UHMK1: variants seen among roughly 807,000 people sequenced by gnomAD.
The protein encoded by UHMK1 is serine/threonine-protein kinase Kist.
Under a neutral mutation model 44.0 loss-of-function variants are expected in UHMK1, and 18 were observed. That is an observed-to-expected ratio of 0.41 (90% confidence interval 0.28 to 0.61). The LOEUF (loss-of-function observed/expected upper bound fraction) is 0.61. Ranked by LOEUF, UHMK1 falls within the 20% of genes least tolerant of loss-of-function variation. The pLI is 0.31. For missense variants in UHMK1, 463 were observed against 522.5 expected (o/e 0.89, Z 1.11); for synonymous variants, 231 against 198.5 (o/e 1.16, Z -1.38).
At chr1:162,497,768 C>CT (rs1341899156), upstream of UHMK1, 1 of 1,306,268 alleles carries the variant, frequency 7.7e-7, no homozygotes, top group Non-Finnish European at 9.7e-7. Context: ...CCTTCTGAGC[C>CT]CCCCCTCCTT....
Position 162,525,480 on chromosome 1 carries a change from T to A in UHMK1, c.*2930T>A, listed in dbSNP as rs554637007. ...ACATTGTACACCCAGAAAAGGCACA[T>A]ACAGTGATTATTTTGTGGGAAATAC... is the stretch of plus-strand genomic sequence containing the variant. On this transcript the variant is annotated 3_prime_UTR_variant, in exon 8 of 8. Coordinates refer to ENST00000489294, the MANE Select transcript of UHMK1 (RefSeq NM_175866.5). The A allele has an allele frequency of 6.6e-6, 1 of 152,300 alleles. No individual in the cohort carries two copies. Among genetic ancestry groups the A allele is most frequent in the African/African-American group, 2.4e-5 (1 of 41,576 alleles). 9.4% of individuals were successfully genotyped at this position (152,300 alleles called of 1,614,324 possible).
In UHMK1 at chr1:162,522,770, T is replaced by C; in HGVS notation, c.*220T>C. ...CTATACATTGAGGGGTTTTAGAGCATCCATGTGGGCAACCCTTTTTTGTGC... is the reference window on the plus strand; with the variant it reads ...CTATACATTGAGGGGTTTTAGAGCACCCATGTGGGCAACCCTTTTTTGTGC... On this transcript the variant is annotated 3_prime_UTR_variant, in exon 8 of 8. Transcript: ENST00000489294. 4.7e-6 allele frequency: 2 copies of C among 422,362 alleles called. No homozygotes were observed. The highest frequency in any genetic ancestry group is 8.2e-6 in the Non-Finnish European group (2 of 242,538). 26.2% of individuals were successfully genotyped at this position (422,362 alleles called of 1,614,324 possible).
In UHMK1 at chr1:162,497,884, C is replaced by CT; in HGVS notation, c.-116dup. On this transcript the variant is annotated 5_prime_UTR_variant, in exon 1 of 8. Coordinates refer to ENST00000489294, the MANE Select transcript of UHMK1 (RefSeq NM_175866.5). ...GAAGTCCCGGGAGTCGGTGAGGCGG[C>CT]TGCAGGTCCCTCCCTGCGGAGCCGC... is the stretch of plus-strand genomic sequence containing the variant. 1 of 1,407,964 alleles carries CT rather than the reference C, an allele frequency of 7.1e-7. No individual in the cohort carries two copies. The highest frequency in any genetic ancestry group is 9.2e-7 in the Non-Finnish European group (1 of 1,086,914). 87.2% of individuals were successfully genotyped at this position (1,407,964 alleles called of 1,614,324 possible).
At chr1:162,518,480 G>C (rs1651924174) in intron 7 of UHMK1, among the ~76,000 whole-genome samples, 1 of 151,872 alleles carries the variant, frequency 6.6e-6, no homozygotes. Flanking sequence ...TGGATTACTT[G>C]AGGTTAGGAG....
At chr1:162,504,257 C>T (rs531165208) in intron 4 of UHMK1, among the ~76,000 whole-genome samples, 1 of 152,262 alleles carries the variant, frequency 6.6e-6, no homozygotes, top group Admixed American at 6.5e-5. Context: ...CTCTTGACAA[C>T]GGTCTGGGGA....
intron 4 of UHMK1, among the ~76,000 whole-genome samples, chr1:162,508,612 G>A (rs1169615831): frequency 2.6e-5 from 4 of 151,784 alleles, no homozygotes; most frequent in Admixed American, 2.6e-4. Flanking sequence ...TGAGGCAGGA[G>A]GATCGATTGA....
rs548617627 is a variant in UHMK1, at chr1:162,507,581, C to CTTTT, written c.848+3741_848+3744dup. The stretch of plus-strand genomic sequence containing the variant: ...AGCCACCACCCCCAACCCATTCTTT[C>CTTTT]TTTTTTTTTTTCTTTTTTTTTGTGA... On this transcript the variant is annotated intron_variant, in intron 4 of 7. Transcript: ENST00000489294. Among the ~76,000 whole-genome samples the CTTTT allele has an allele frequency of 1.1e-3, 144 of 133,172 alleles. 3 individuals are homozygous for CTTTT. The highest frequency in any genetic ancestry group is 1.8e-3 in the African/African-American group (63 of 35,368). The allele number at this position is 133,172 out of a possible 152,430, so 87.4% of individuals were successfully genotyped here. A position where few individuals can be genotyped will look rare whatever the true frequency, so the allele number is the denominator to read the frequency against.
At chr1:162,522,278 C>A in intron 7 of UHMK1, 126 bp from the exon 8 acceptor site, 1 of 1,081,988 alleles carries the variant, frequency 9.2e-7, no homozygotes, top group Non-Finnish European at 1.3e-6. Context: ...ACATCTCAGA[C>A]CTAAGGAAGC....
intron 4 of UHMK1, among the ~76,000 whole-genome samples, chr1:162,510,216 A>G (rs1034697633): frequency 3.2e-4 from 49 of 152,306 alleles, no homozygotes; most frequent in African/African-American, 1.2e-3. Context: ...TTTTGTGATG[A>G]GAGTGCTTAA....
At chr1:162,502,486 C>G (rs1290891427) in intron 3 of UHMK1, among the ~76,000 whole-genome samples, 1 of 151,996 alleles carries the variant, frequency 6.6e-6, no homozygotes, top group Admixed American at 6.6e-5. Context: ...AAGAGTCTTA[C>G]GTATTCTTTC....
chr1:162,501,622 G>A (rs906604323), intron 3 of UHMK1, among the ~76,000 whole-genome samples: 5 of 152,124 alleles, frequency 3.3e-5, no homozygotes, highest in African/African-American at 1.2e-4. Context: ...CTGTGGCTTG[G>A]CATATAGTAA....
chr1:162,520,163 G>T (rs931495965), intron 7 of UHMK1, among the ~76,000 whole-genome samples: 1 of 152,126 alleles, frequency 6.6e-6, no homozygotes, highest in Non-Finnish European at 1.5e-5. Flanking sequence ...CTAAGTGCTG[G>T]GATTAAAGGC....
At chr1:162,510,670 AT>A (rs1044444149) in intron 4 of UHMK1, among the ~76,000 whole-genome samples, 1,929 of 145,004 alleles carry the variant, frequency 0.013, 38 homozygotes, top group African/African-American at 0.044. Context: ...CTGTTTTTTA[AT>A]TTTTTTTTTA....
Position 162,522,827 on chromosome 1 carries a change from C to A in UHMK1, c.*277C>A. ...GCAGGTGTTGCTCTTCAGTATGTAG[C>A]CTAAAAAAATCTTAATTATTTCATG... On this transcript the variant is annotated 3_prime_UTR_variant, in exon 8 of 8. Transcript: ENST00000489294. The A allele has an allele frequency of 1.5e-5, 4 of 266,888 alleles. No homozygotes were observed. The highest frequency in any genetic ancestry group is 1.2e-4 in the South Asian group (1 of 8,296). The allele number at this position is 266,888 out of a possible 1,614,324, so 16.5% of individuals were successfully genotyped here.
chr1:162,521,370 A>G (rs1480501731), intron 7 of UHMK1, among the ~76,000 whole-genome samples: 3 of 152,114 alleles, frequency 2.0e-5, no homozygotes, highest in Non-Finnish European at 2.9e-5. Flanking sequence ...ATGTCTACTC[A>G]TTTATCGAAC....
chr1:162,500,812 C>A, intron 2 of UHMK1, 101 bp from the exon 3 acceptor site: 2 of 1,153,468 alleles, frequency 1.7e-6, no homozygotes, highest in Non-Finnish European at 2.4e-6. Context: ...TTTAGCTTGG[C>A]AGTGGGTTTA....
In UHMK1 at chr1:162,506,674, C is replaced by T. The variant is rs541750987; in HGVS notation, c.848+2826C>T. On this transcript the variant is annotated intron_variant, in intron 4 of 7. Transcript: ENST00000489294. ...AAAGTCGCTTGGTCTTCCAGCCTGG[C>T]CAAGGTGGTGAAACCCCGTCTCTAC... is the stretch of plus-strand genomic sequence containing the variant. Among the ~76,000 whole-genome samples, 5 of 152,208 alleles carry T rather than the reference C, an allele frequency of 3.3e-5. No individual in the cohort carries two copies. In the South Asian group the frequency reaches 1.0e-3, roughly 32 times the overall value.
chr1:162,517,035 A>G (rs1651859178), intron 6 of UHMK1, among the ~76,000 whole-genome samples: 2 of 152,272 alleles, frequency 1.3e-5, no homozygotes, highest in African/African-American at 4.8e-5. Flanking sequence ...GCAGTGGCTC[A>G]CGCCTGTAAT....
intron 3 of UHMK1, among the ~76,000 whole-genome samples, chr1:162,501,625 T>C (rs534548976): frequency 6.6e-6 from 1 of 152,328 alleles, no homozygotes; most frequent in South Asian, 2.1e-4. Flanking sequence ...TGGCTTGGCA[T>C]ATAGTAAGTG....
Sources: allele counts gnomAD v4.1 joint callset (sites outside exome capture counted in the v4.1 genomes callset), GRCh38; gene constraint gnomAD v4.1.1; transcripts MANE v1.5; gene names NCBI Gene and HGNC (gene_info 2026-07-23, HGNC 2026-07-21).